The following PKNOX1 variants were observed in gnomAD, a reference collection of about 807,000 sequenced individuals.
PKNOX1 encodes PBX/knotted 1 homeobox 1.
PKNOX1 carries 15 observed loss-of-function variants against 51.9 expected under a neutral mutation model. That is an observed-to-expected ratio of 0.29 (90% CI 0.19 to 0.45). PKNOX1 has a LOEUF of 0.45. Among genes scored for constraint, PKNOX1 ranks in the 20% least tolerant of loss-of-function variants. PKNOX1 has a pLI of 1.00. For synonymous variants in PKNOX1, 219 were observed against 211.1 expected, an observed-to-expected ratio of 1.04 and a Z score of -0.32; for missense variants, 462 against 547.5, an observed-to-expected ratio of 0.84 and a Z score of 1.56.
chr21:43,000,542 T>G (rs1242400141), intron 1 of PKNOX1, among the ~76,000 whole-genome samples: 1 of 152,160 alleles, frequency 6.6e-6, no homozygotes, highest in Non-Finnish European at 1.5e-5. Context: ...CCCCCATGAT[T>G]CAATTACCTC....
chr21:43,025,042 G>C, intron 9 of PKNOX1, 95 bp downstream of exon 9: 1 of 785,798 alleles, frequency 1.3e-6, no homozygotes, highest in South Asian at 1.6e-5. Context: ...CTGAAAATAG[G>C]AGGTCTCTCT....
chr21:43,017,187 G>A (rs1979533523), intron 6 of PKNOX1, 180 bp downstream of exon 6: 1 of 409,858 alleles, frequency 2.4e-6, no homozygotes, highest in East Asian at 3.6e-5. Flanking sequence ...AATATTTTAT[G>A]CAGATTGTGT....
chr21:42,995,014 T>A (rs926887780), intron 1 of PKNOX1, among the ~76,000 whole-genome samples: 1 of 148,496 alleles, frequency 6.7e-6, no homozygotes, highest in Non-Finnish European at 1.5e-5. Context: ...CTCCGCCTCC[T>A]GGGTTCAAGC....
intron 1 of PKNOX1, among the ~76,000 whole-genome samples, chr21:42,974,877 G>T (rs1166697104): frequency 6.8e-6 from 1 of 147,896 alleles, no homozygotes; most frequent in Non-Finnish European, 1.5e-5. Context: ...GGGCACCCGC[G>T]GGGGAGGGGG....
At position 42,999,626 on chromosome 21, in the gene PKNOX1, G is replaced by A. The variant is rs559013122; in HGVS notation, c.-56-4700G>A. ...CTCCTGAGTAGCTGGGATTACAGGC[G>A]TGCACCACCAAGCCCGGCTAATTTT... On this transcript the variant is annotated intron_variant, in intron 1 of 10. Transcript: ENST00000291547. Among the ~76,000 whole-genome samples, 6 of 151,892 alleles carry A rather than the reference G, an allele frequency of 4.0e-5. No individual in the cohort carries two copies. In the South Asian group the frequency reaches 6.3e-4, roughly 16 times the overall value.
intron 4 of PKNOX1, among the ~76,000 whole-genome samples, chr21:43,011,085 T>G (rs1601292653): frequency 1.0e-5 from 1 of 96,416 alleles, no homozygotes; most frequent in Admixed American, 1.0e-4. Flanking sequence ...TTTTTTTTTT[T>G]GAGACGGAGT....
rs1980188231 is a variant in PKNOX1, at chr21:43,030,083, C to T, written c.1293C>T (p.Asn431=). ...PAHISGLVLE[N]SDSLQ ...ACATCAGCGGGCTGGTCTTGGAGAA[C>T]AGTGACTCCCTGCAGTAGGGGCAGG... Residue 431 remains asparagine, a synonymous_variant, in exon 11 of 11, where the codon AAC becomes AAT. Coordinates refer to ENST00000291547, the MANE Select transcript of PKNOX1 (RefSeq NM_004571.5). 1 of 1,602,120 alleles carries T rather than the reference C, an allele frequency of 6.2e-7. No individual in the cohort carries two copies. The highest frequency in any genetic ancestry group is 8.5e-7 in the Non-Finnish European group (1 of 1,170,244).
chr21:43,002,995 G>A (rs1275268979), intron 1 of PKNOX1, among the ~76,000 whole-genome samples: 6 of 152,188 alleles, frequency 3.9e-5, no homozygotes, highest in South Asian at 2.1e-4. Flanking sequence ...GATTACAGGC[G>A]TGAGCCACTG....
At chr21:43,019,158 C>G (rs370205273) in intron 7 of PKNOX1, among the ~76,000 whole-genome samples, 1 of 150,532 alleles carries the variant, frequency 6.6e-6, no homozygotes, top group Admixed American at 6.6e-5. Context: ...TTTGGGAGGC[C>G]GAGATGGGTG....
intron 2 of PKNOX1, among the ~76,000 whole-genome samples, chr21:43,004,893 AC>A (rs1978921435): frequency 6.6e-6 from 1 of 151,982 alleles, no homozygotes; most frequent in Non-Finnish European, 1.5e-5. Flanking sequence ...CTATCTTTGT[AC>A]CTTGCTCGTG....
In PKNOX1 at chr21:43,021,486, T is replaced by C. The variant is rs988410210; in HGVS notation, c.849+55T>C. ...GCAGCCCTCTGCGACGCTTGCTCTCTGGCTTATGTGTCATGGAAAAGGGTT... is the reference window on the plus strand; with the variant it reads ...GCAGCCCTCTGCGACGCTTGCTCTCCGGCTTATGTGTCATGGAAAAGGGTT... On this transcript the variant is annotated intron_variant, in intron 8 of 10. Transcript: ENST00000291547. This position sits in a 1 kb window ranked among gnomAD's most constrained non-coding sequence, Gnocchi z 4.6. The C allele has an allele frequency of 6.6e-7, 1 of 1,517,850 alleles. No homozygotes were observed. 94.0% of individuals were successfully genotyped at this position (1,517,850 alleles called of 1,614,324 possible).
intron 1 of PKNOX1, among the ~76,000 whole-genome samples, chr21:42,987,865 G>A (rs556690188): frequency 2.0e-5 from 3 of 151,636 alleles, no homozygotes; most frequent in South Asian, 2.1e-4. Flanking sequence ...TGATCCACCC[G>A]TCTCGGCCTC....
At chr21:42,980,793 A>T (rs34299018) in intron 1 of PKNOX1, among the ~76,000 whole-genome samples, 5,786 of 152,288 alleles carry the variant, frequency 0.038, 140 homozygotes, top group Middle Eastern at 0.061. Context: ...TGCTTTGGAA[A>T]ATACCTGTTG....
At chr21:42,993,565 C>T (rs1318610919) in intron 1 of PKNOX1, among the ~76,000 whole-genome samples, 4 of 149,584 alleles carry the variant, frequency 2.7e-5, no homozygotes, top group Non-Finnish European at 5.9e-5. Context: ...GCATTTTTGG[C>T]ATTTAAAAAG....
At chr21:43,027,431 A>G (rs1361911444) in intron 9 of PKNOX1, among the ~76,000 whole-genome samples, 1 of 152,122 alleles carries the variant, frequency 6.6e-6, no homozygotes, top group Non-Finnish European at 1.5e-5. Context: ...CTGGTTTGCT[A>G]TCTTTGTCCT....
At chr21:43,023,218 G>A (rs751676958) in intron 8 of PKNOX1, among the ~76,000 whole-genome samples, 11 of 151,908 alleles carry the variant, frequency 7.2e-5, no homozygotes, top group East Asian at 1.9e-4. Context: ...TTTAAAGGGG[G>A]AGAACAGTAT....
chr21:43,018,731 G>A (rs1979624060), intron 7 of PKNOX1, among the ~76,000 whole-genome samples: 1 of 152,082 alleles, frequency 6.6e-6, no homozygotes, highest in African/African-American at 2.4e-5. Flanking sequence ...CTGGAGTGCA[G>A]TGGCGCTATC....
In PKNOX1 at chr21:43,010,229, G is replaced by GT; in HGVS notation, c.351+6dup. 7.0e-7 allele frequency: 1 copy of GT among 1,435,034 alleles called. No individual in the cohort carries two copies. 88.9% of individuals were successfully genotyped at this position (1,435,034 alleles called of 1,614,324 possible). ...GATCCAGAAACTGATAATTTAGTAA[G>GT]TAAAATAAATTTTATTTTTAGTTTT... On this transcript the variant is annotated splice_donor_region_variant and intron_variant, in intron 4 of 10. Coordinates refer to ENST00000291547, the MANE Select transcript of PKNOX1 (RefSeq NM_004571.5).
chr21:43,021,811 C>T lies in PKNOX1; in HGVS notation c.849+380C>T, dbSNP rs982682469. ...GGAAGCTGAGATGGGTTAGAGACATCGCAGGGCCGGGTGCACCCACAGGTG... is the reference window on the plus strand; with the variant it reads ...GGAAGCTGAGATGGGTTAGAGACATTGCAGGGCCGGGTGCACCCACAGGTG... On this transcript the variant is annotated intron_variant, in intron 8 of 10. Coordinates refer to ENST00000291547, the MANE Select transcript of PKNOX1 (RefSeq NM_004571.5). The surrounding 1 kb of genome is among the most constrained non-coding windows in gnomAD (Gnocchi z 4.6). Among the ~76,000 whole-genome samples, 2 of 152,224 alleles carry T rather than the reference C, an allele frequency of 1.3e-5. No individual in the cohort carries two copies. The highest frequency in any genetic ancestry group is 2.9e-5 in the Non-Finnish European group (2 of 68,038).
Sources: allele counts gnomAD v4.1 joint callset (sites outside exome capture counted in the v4.1 genomes callset), GRCh38; gene constraint gnomAD v4.1.1; non-coding constraint Gnocchi (gnomAD v3.1); transcripts MANE v1.5; gene names NCBI Gene and HGNC (gene_info 2026-07-23, HGNC 2026-07-21).